Variants in KDM5B observed in about 807,000 individuals in gnomAD.
KDM5B encodes lysine demethylase 5B.
A neutral mutation model predicts 193.4 loss-of-function variants in KDM5B; 144 were observed. That is an observed-to-expected ratio of 0.74 (90% confidence interval 0.65 to 0.86). The LOEUF is 0.86. KDM5B is among the 40% of genes least tolerant of loss of function. KDM5B has a pLI of 0.00. For missense variants in KDM5B, 1,833 were observed against 1,886.9 expected (o/e 0.97, Z 0.53); for synonymous variants, 668 against 682.6 (o/e 0.98, Z 0.33).
intron 4 of KDM5B, 173 bp from the exon 5 acceptor site, chr1:202,767,233 G>C (rs970789259): frequency 1.9e-6 from 3 of 1,580,030 alleles, no homozygotes; most frequent in Non-Finnish European, 2.6e-6. Context: ...ACACCCTTAT[G>C]TTTTAAGCAG....
chr1:202,759,477 G>A (rs2102270054), intron 8 of KDM5B, among the ~76,000 whole-genome samples: 1 of 151,194 alleles, frequency 6.6e-6, no homozygotes, highest in African/African-American at 2.4e-5. Flanking sequence ...GGAGGCGGAG[G>A]TTGCAGTGAG....
chr1:202,765,133 C>T (rs1656397427), intron 5 of KDM5B, among the ~76,000 whole-genome samples: 1 of 152,280 alleles, frequency 6.6e-6, no homozygotes, highest in Non-Finnish European at 1.5e-5. Flanking sequence ...ACTCCATTAG[C>T]CTCTAAGAGT....
intron 1 of KDM5B, among the ~76,000 whole-genome samples, chr1:202,783,742 G>A (rs546091696): frequency 5.3e-5 from 8 of 151,912 alleles, no homozygotes; most frequent in South Asian, 2.1e-4. Context: ...TTAGCCAGGC[G>A]TGGTGGCGGG....
At chr1:202,779,364 A>G (rs1427558623) in intron 1 of KDM5B, among the ~76,000 whole-genome samples, 4 of 152,086 alleles carry the variant, frequency 2.6e-5, no homozygotes, top group Admixed American at 6.6e-5. Flanking sequence ...CTGTAGTCCC[A>G]GCTACTCAGG....
intron 1 of KDM5B, among the ~76,000 whole-genome samples, chr1:202,785,732 A>G (rs1425336475): frequency 6.6e-6 from 1 of 152,136 alleles, no homozygotes; most frequent in Admixed American, 6.5e-5. Flanking sequence ...CAACATGGCA[A>G]AACCCAGTCT....
In KDM5B at chr1:202,749,029, A is replaced by G. The variant is rs775387866; in HGVS notation, c.1932T>C (p.Asp644=). 9.9e-6 allele frequency: 16 copies of G among 1,614,186 alleles called. 1 individual carries two copies. The South Asian group carries it at 1.8e-4, about 18-fold the overall frequency. ...CKMASKADVL[D]VVVASTVQKD... is the part of the protein sequence containing the mutation. ...TCTGAACAGTTGAAGCCACTACAAC[A>G]TCTAATACATCAGCCTTGGAAGCCA... The change falls in exon 14 of 27, where the codon GAT becomes GAC. Residue 644 remains aspartate, a synonymous_variant. Transcript: ENST00000367265.
chr1:202,757,223 G>A (rs1456705974), intron 9 of KDM5B, among the ~76,000 whole-genome samples: 2 of 152,212 alleles, frequency 1.3e-5, no homozygotes, highest in Non-Finnish European at 2.9e-5. Flanking sequence ...CAGAGCTCGG[G>A]TGTAATGTTT....
intron 1 of KDM5B, among the ~76,000 whole-genome samples, chr1:202,790,365 C>T (rs1471868355): frequency 6.6e-6 from 1 of 152,064 alleles, no homozygotes; most frequent in African/African-American, 2.4e-5. Context: ...TTGCTTGAGC[C>T]TGGAAGTTTG....
intron 8 of KDM5B, 150 bp downstream of exon 8, chr1:202,760,265 A>T: frequency 1.8e-6 from 1 of 556,368 alleles, no homozygotes; most frequent in Non-Finnish European, 3.1e-6. Flanking sequence ...GCAGTGAGCC[A>T]TGTTTGTGCC....
At chr1:202,755,170 T>C (rs1655957237) in intron 11 of KDM5B, 101 bp downstream of exon 11, 1 of 841,380 alleles carries the variant, frequency 1.2e-6, no homozygotes, top group Non-Finnish European at 1.9e-6. Flanking sequence ...AAAAAGTAGT[T>C]CAATGCTCTT....
Position 202,724,680 on chromosome 1 carries a change from T to TC in KDM5B, c.*4355_*4356insG, listed in dbSNP as rs1654616644. ...AAATATATCTTTCTCATCCAATAATTTAACTTTTTTATTAACTGTTGAACT... is the reference window on the plus strand; with the variant it reads ...AAATATATCTTTCTCATCCAATAATTCTAACTTTTTTATTAACTGTTGAACT... On this transcript the variant is annotated 3_prime_UTR_variant, in exon 27 of 27. Coordinates refer to ENST00000367265, the MANE Select transcript of KDM5B (RefSeq NM_006618.5). The TC allele has an allele frequency of 6.6e-6, 1 of 152,200 alleles. No individual in the cohort carries two copies. The highest frequency in any genetic ancestry group is 2.4e-5 in the African/African-American group (1 of 41,442). 9.4% of individuals were successfully genotyped at this position (152,200 alleles called of 1,614,324 possible). A position where few individuals can be genotyped will look rare whatever the true frequency, so the allele number is the denominator to read the frequency against.
chr1:202,756,134 G>C (rs2102263685), intron 10 of KDM5B, among the ~76,000 whole-genome samples: 1 of 152,260 alleles, frequency 6.6e-6, no homozygotes, highest in Non-Finnish European at 1.5e-5. Context: ...GAGAAACCAA[G>C]GTTATAAAAT....
rs748986246 is a variant in KDM5B, at chr1:202,750,786, G to A, written c.1702-8C>T. The A allele has an allele frequency of 6.2e-7, 1 of 1,609,962 alleles. No homozygotes were observed. Among genetic ancestry groups the A allele is most frequent in the Non-Finnish European group, 8.5e-7 (1 of 1,178,060 alleles). Reference sequence around the variant, plus strand: ...CTGATTAGTTCGGTAAACCTAAAGAGACAGAAATTGAAGATTTTTGAGTTT... The same window carrying A: ...CTGATTAGTTCGGTAAACCTAAAGAAACAGAAATTGAAGATTTTTGAGTTT... On this transcript the variant is annotated splice_region_variant and splice_polypyrimidine_tract_variant and intron_variant, in intron 12 of 26. Transcript: ENST00000367265.
Position 202,731,029 on chromosome 1 carries a change from T to C in KDM5B, c.4056A>G (p.Glu1352=). ...GAAGGGATACCTGGAGCAGCTGGGC[T>C]TCCATCAATAGTTCATTCACTTCTG... ...VSPEVNELLM[E]AQLLQVSLPE... is the part of the protein sequence containing the mutation. The change falls in exon 25 of 27, where the codon GAA becomes GAG. Residue 1352 remains glutamate, a synonymous_variant. Transcript: ENST00000367265. 8 of 1,613,392 alleles carry C rather than the reference T, an allele frequency of 5.0e-6. No individual in the cohort carries two copies. Among genetic ancestry groups the C allele is most frequent in the African/African-American group, 1.3e-5 (1 of 75,002 alleles).
At chr1:202,750,548 T>C (rs1382451724) in intron 13 of KDM5B, 111 bp downstream of exon 13, 1 of 1,173,642 alleles carries the variant, frequency 8.5e-7, no homozygotes, top group Non-Finnish European at 1.2e-6. Flanking sequence ...GCGCTGGGAT[T>C]ATAGGCATGA....
intron 1 of KDM5B, among the ~76,000 whole-genome samples, chr1:202,799,451 C>T (rs185557969): frequency 6.6e-6 from 1 of 152,060 alleles, no homozygotes; most frequent in East Asian, 1.9e-4. Context: ...GTCGGGAGTT[C>T]GAGACCAGCC....
At chr1:202,805,610 T>G (rs765431572) in intron 1 of KDM5B, among the ~76,000 whole-genome samples, 4 of 152,190 alleles carry the variant, frequency 2.6e-5, no homozygotes, top group African/African-American at 4.8e-5. Context: ...CATCCAGAAA[T>G]ACAGACATTA....
chr1:202,753,679 T>G (rs559812218), intron 11 of KDM5B, among the ~76,000 whole-genome samples: 16 of 148,950 alleles, frequency 1.1e-4, no homozygotes, highest in Admixed American at 1.1e-3. Context: ...TTTTTTGTTT[T>G]TTTTTTTTGA....
chr1:202,769,766 G>C (rs189831451), intron 4 of KDM5B, among the ~76,000 whole-genome samples: 1 of 146,030 alleles, frequency 6.8e-6, no homozygotes, highest in Admixed American at 6.9e-5. Flanking sequence ...AATTTGTATA[G>C]AACATTGCCT....
Sources: allele counts gnomAD v4.1 joint callset (sites outside exome capture counted in the v4.1 genomes callset), GRCh38; gene constraint gnomAD v4.1.1; transcripts MANE v1.5; gene names NCBI Gene and HGNC (gene_info 2026-07-23, HGNC 2026-07-21).